Variants in MED10 observed in about 807,000 individuals in gnomAD.
MED10 encodes mediator of RNA polymerase II transcription subunit 10.
A neutral mutation model predicts 17.2 loss-of-function variants in MED10; 9 were observed. The observed-to-expected ratio is 0.52, with a 90% CI of 0.31 to 0.91. The LOEUF is 0.91. Among genes scored for constraint, MED10 ranks in the 40% least tolerant of loss-of-function variants. MED10 has a pLI of 0.04. For missense variants in MED10, 129 were observed against 164.8 expected, an observed-to-expected ratio of 0.78 and a Z score of 1.19; for synonymous variants, 66 against 59.8, an observed-to-expected ratio of 1.10 and a Z score of -0.48.
intron 2 of MED10, chr5:6,376,881 A>G: frequency 5.0e-6 from 1 of 199,106 alleles, no homozygotes. Flanking sequence ...CCTATGATGT[A>G]TTTCATATAT....
chr5:6,376,306 G>A (rs1712166517), intron 2 of MED10, among the ~76,000 whole-genome samples: 2 of 152,190 alleles, frequency 1.3e-5, no homozygotes, highest in South Asian at 2.1e-4. Flanking sequence ...ACTGCTTAAC[G>A]AAATCTAGTG....
chr5:6,372,879 A>G (rs998975652), intron 3 of MED10, among the ~76,000 whole-genome samples: 21 of 152,232 alleles, frequency 1.4e-4, no homozygotes, highest in Non-Finnish European at 2.9e-5. Flanking sequence ...ACTGTAAGCC[A>G]CGTCCCTGGT....
At chr5:6,372,811 C>T (rs907976334) in intron 3 of MED10, among the ~76,000 whole-genome samples, 2 of 152,134 alleles carry the variant, frequency 1.3e-5, no homozygotes, top group Non-Finnish European at 2.9e-5. Flanking sequence ...CGGACGTCAC[C>T]ACCAGCAGCA....
rs1737906455 is a variant in MED10 at position 6,372,434 on chromosome 5, G to C, written c.*69C>G. 1 of 1,319,592 alleles carries C rather than the reference G, an allele frequency of 7.6e-7. No individual in the cohort carries two copies. The highest frequency in any genetic ancestry group is 1.1e-6 in the Non-Finnish European group (1 of 914,150). The allele number at this position is 1,319,592 out of a possible 1,614,324, so 81.7% of individuals were successfully genotyped here. On this transcript the variant is annotated 3_prime_UTR_variant, in exon 4 of 4. Coordinates refer to ENST00000255764, the MANE Select transcript of MED10 (RefSeq NM_032286.3). Reference sequence around the variant, plus strand: ...CCACCTCAGCAGGAAGGTGGCGTCAGCACTCGCAGTCCCAGCCTCACGCCG... The same window carrying C: ...CCACCTCAGCAGGAAGGTGGCGTCACCACTCGCAGTCCCAGCCTCACGCCG...
chr5:6,377,437 T>C (rs1056433163), intron 1 of MED10, among the ~76,000 whole-genome samples, 188 bp from the exon 2 acceptor site: 6 of 152,204 alleles, frequency 3.9e-5, no homozygotes, highest in African/African-American at 1.4e-4. Flanking sequence ...AGTTACAAAA[T>C]ACCCTTAAAT....
At chr5:6,378,140 G>C (rs1361991820) in intron 1 of MED10, among the ~76,000 whole-genome samples, 1 of 152,264 alleles carries the variant, frequency 6.6e-6, no homozygotes, top group African/African-American at 2.4e-5. Flanking sequence ...CGTCTCCAAA[G>C]GGGCCTCAAA....
chr5:6,376,298 T>G (rs1737988278), intron 2 of MED10, among the ~76,000 whole-genome samples: 1 of 152,244 alleles, frequency 6.6e-6, no homozygotes, highest in Non-Finnish European at 1.5e-5. Context: ...TTCCCTTTAC[T>G]GCTTAACGAA....
rs867519941 is a variant in MED10 at position 6,378,454 on chromosome 5, C to A, written c.30G>T (p.Glu10Asp). The stretch of plus-strand genomic sequence containing the variant: ...TGTTCTCCACGAACTTCTCCAGGTG[C>A]TCCTCTAGGTGGTCAAACTTCTCCG... MAEKFDHLE[E>D]HLEKFVENIR... Residue 10 changes from glutamate to aspartate, a missense_variant, in exon 1 of 4, where the codon GAG becomes GAT. Around this residue, in one of 3 missense-constraint regions of MED10, gnomAD observed 23 missense variants for 17.7 expected, o/e 1.30. Coordinates refer to ENST00000255764, the MANE Select transcript of MED10 (RefSeq NM_032286.3). The A allele has an allele frequency of 6.2e-7, 1 of 1,613,578 alleles. No individual in the cohort carries two copies. The highest frequency in any genetic ancestry group is 1.3e-5 in the African/African-American group (1 of 74,936).
intron 3 of MED10, among the ~76,000 whole-genome samples, chr5:6,373,543 G>C (rs1300630806): frequency 2.6e-5 from 4 of 152,200 alleles, no homozygotes; most frequent in African/African-American, 9.7e-5. Context: ...AGAGAACATG[G>C]AAGAGCTCCA....
At chr5:6,378,073 G>A (rs1020218883) in intron 1 of MED10, among the ~76,000 whole-genome samples, 4 of 152,228 alleles carry the variant, frequency 2.6e-5, no homozygotes, top group South Asian at 2.1e-4. Flanking sequence ...GACGCTAGAA[G>A]AGAAAGCATG....
At chr5:6,376,959 G>T (rs887694310) in intron 2 of MED10, 87 of 387,120 alleles carry the variant, frequency 2.2e-4, no homozygotes, top group African/African-American at 1.7e-3. Context: ...CTTTTTTTTC[G>T]TTTTGTAATG....
At chr5:6,374,261 A>T in intron 3 of MED10, 63 bp downstream of exon 3, 1 of 1,147,804 alleles carries the variant, frequency 8.7e-7, no homozygotes, top group Non-Finnish European at 1.3e-6. Context: ...TGAGTCTCTT[A>T]ACCAAATTCC....
chr5:6,377,104 C>G, intron 2 of MED10, 62 bp downstream of exon 2: 1 of 1,161,808 alleles, frequency 8.6e-7, no homozygotes, highest in Non-Finnish European at 1.2e-6. Flanking sequence ...GAAGAAGTCA[C>G]GATACCACAC....
At chr5:6,377,307 C>G in intron 1 of MED10, 58 bp from the exon 2 acceptor site, 1 of 1,328,618 alleles carries the variant, frequency 7.5e-7, no homozygotes, top group African/African-American at 1.5e-5. Flanking sequence ...GCATAAGCAC[C>G]ACCCACAGAG....
Position 6,378,504 on chromosome 5 carries a change from C to A in MED10, c.-21G>T. 6.2e-7 allele frequency: 1 copy of A among 1,605,768 alleles called. No individual in the cohort carries two copies. The highest frequency in any genetic ancestry group is 8.5e-7 in the Non-Finnish European group (1 of 1,175,636). On this transcript the variant is annotated 5_prime_UTR_variant, in exon 1 of 4. Coordinates refer to ENST00000255764, the MANE Select transcript of MED10 (RefSeq NM_032286.3). ...GCCATCGCCTCGGCCCGTCCCCGAC[C>A]CACACAGCCTCAACCAGCAGCGCCG...
At chr5:6,378,323 GC>G (rs750987435) in intron 1 of MED10, 38 bp downstream of exon 1, 1 of 1,554,894 alleles carries the variant, frequency 6.4e-7, no homozygotes, top group Non-Finnish European at 8.7e-7. Flanking sequence ...TCCCGGCCAG[GC>G]CCTGGGGAGA....
intron 3 of MED10, among the ~76,000 whole-genome samples, chr5:6,373,588 G>C (rs1218668186): frequency 6.6e-6 from 1 of 151,650 alleles, no homozygotes; most frequent in Admixed American, 6.6e-5. Context: ...GAACACGAAC[G>C]AAAGGGTTGG....
At chr5:6,374,974 G>C (rs989454765) in intron 2 of MED10, among the ~76,000 whole-genome samples, 1 of 152,032 alleles carries the variant, frequency 6.6e-6, no homozygotes, top group Admixed American at 6.6e-5. Context: ...CAGCCCTGAC[G>C]ACCCCAAGAT....
rs766869835 is a variant in MED10 at position 6,378,326 on chromosome 5, C to G, written c.122+36G>C. 7 of 1,560,872 alleles carry G rather than the reference C, an allele frequency of 4.5e-6. No homozygotes were observed. In the African/African-American group the frequency reaches 9.5e-5, roughly 21 times the overall value. On this transcript the variant is annotated intron_variant, in intron 1 of 3. Transcript: ENST00000255764. ...CTAGCACACGCTTCCCGGCCAGGCC[C>G]TGGGGAGACCCCGGCAGCCTCGGGC...
Sources: allele counts gnomAD v4.1 joint callset (sites outside exome capture counted in the v4.1 genomes callset), GRCh38; gene constraint gnomAD v4.1.1; regional missense constraint gnomAD v4.1.1; transcripts MANE v1.5; gene names NCBI Gene and HGNC (gene_info 2026-07-23, HGNC 2026-07-21).